Variants in HECW1 observed in about 807,000 individuals in gnomAD.
HECW1 encodes the protein E3 ubiquitin-protein ligase HECW1.
Under a neutral mutation model 182.3 loss-of-function variants are expected in HECW1, and 61 were observed. That is an observed-to-expected ratio of 0.33 (90% CI 0.27 to 0.41). The LOEUF is 0.41. Ranked by LOEUF, HECW1 falls within the 10% of genes least tolerant of loss-of-function variation. The pLI, the probability that HECW1 is intolerant of heterozygous loss-of-function variation, is 1.00. For missense variants in HECW1, 1,739 were observed against 2,108.9 expected (o/e 0.82, Z 3.44); for synonymous variants, 859 against 832.6 (o/e 1.03, Z -0.55).
chr7:43,249,365 A>T (rs1471202455), intron 3 of HECW1: 2 of 152,396 alleles, frequency 1.3e-5, no homozygotes, highest in Non-Finnish European at 2.9e-5. Flanking sequence ...AACCATGCCC[A>T]GCAGGACCAG....
chr7:43,209,881 C>T (rs962924650), intron 2 of HECW1, among the ~76,000 whole-genome samples: 42 of 152,118 alleles, frequency 2.8e-4, no homozygotes, highest in African/African-American at 7.2e-4. Flanking sequence ...GCGTTCACCC[C>T]GAGGTCATCT....
chr7:43,474,123 TATTAATATA>T (rs2078126964), intron 16 of HECW1, among the ~76,000 whole-genome samples: 6 of 152,200 alleles, frequency 3.9e-5, no homozygotes, highest in Admixed American at 3.9e-4. Flanking sequence ...AGTGGTGATG[TATTAATATA>T]ATACAAAGGG....
rs1358243690 is a variant in HECW1, at chr7:43,565,312, A to T, written c.*3386A>T. On this transcript the variant is annotated 3_prime_UTR_variant, in exon 30 of 30. Coordinates refer to ENST00000395891, the MANE Select transcript of HECW1 (RefSeq NM_015052.5). ...GGGGAGCAGGCGTTAAACATGCAAGATCTAAATTTTCTTTTAATACATGAC... is the reference window on the plus strand; with the variant it reads ...GGGGAGCAGGCGTTAAACATGCAAGTTCTAAATTTTCTTTTAATACATGAC... 4.8e-6 allele frequency: 1 copy of T among 206,936 alleles called. No homozygotes were observed. Among genetic ancestry groups the T allele is most frequent in the South Asian group, 1.9e-4 (1 of 5,314 alleles). 12.8% of individuals were successfully genotyped at this position (206,936 alleles called of 1,614,324 possible).
intron 2 of HECW1, among the ~76,000 whole-genome samples, chr7:43,141,129 A>G (rs1414509523): frequency 6.6e-6 from 1 of 152,162 alleles, no homozygotes; most frequent in African/African-American, 2.4e-5. Flanking sequence ...AAGCTGACCA[A>G]TGGTCTGGTC....
chr7:43,407,031 C>T (rs995196582), intron 7 of HECW1, among the ~76,000 whole-genome samples: 2 of 152,188 alleles, frequency 1.3e-5, no homozygotes, highest in Non-Finnish European at 2.9e-5. Flanking sequence ...TTCTGTCTCT[C>T]TCTCCTTGTG....
At chr7:43,443,116 G>A (rs1268830338) in intron 10 of HECW1, among the ~76,000 whole-genome samples, 4 of 152,234 alleles carry the variant, frequency 2.6e-5, no homozygotes, top group Non-Finnish European at 5.9e-5. Flanking sequence ...GAAAACTCCA[G>A]AATCATCCAG....
In HECW1 at chr7:43,562,160, T is replaced by C; in HGVS notation, c.*234T>C. ...ATGAACTGCTAGCCTGTATGCAATA[T>C]TAAAAAACAGCTGTCTCAAGGTCTG... On this transcript the variant is annotated 3_prime_UTR_variant, in exon 30 of 30. Coordinates refer to ENST00000395891, the MANE Select transcript of HECW1 (RefSeq NM_015052.5). 1 of 461,966 alleles carries C rather than the reference T, an allele frequency of 2.2e-6. No individual in the cohort carries two copies. Among genetic ancestry groups the C allele is most frequent in the Non-Finnish European group, 3.9e-6 (1 of 256,628 alleles). 28.6% of individuals were successfully genotyped at this position (461,966 alleles called of 1,614,324 possible).
At chr7:43,364,646 T>C (rs2152815309) in intron 6 of HECW1, among the ~76,000 whole-genome samples, 1 of 152,348 alleles carries the variant, frequency 6.6e-6, no homozygotes, top group South Asian at 2.1e-4. Flanking sequence ...GCAGAAGGGA[T>C]GGCCTGTACA....
Position 43,561,851 on chromosome 7 carries a change from G to T in HECW1, c.4746G>T (p.Pro1582=). ...GCTTCAACCGACTGGATCTTCCACC[G>T]TATCCCTCGTACTCCATGTTGTATG... ...HTCFNRLDLP[P]YPSYSMLYEK... is the part of the protein sequence containing the mutation. The change falls in exon 30 of 30, where the codon CCG becomes CCT. Residue 1582 remains proline, a synonymous_variant. Coordinates refer to ENST00000395891, the MANE Select transcript of HECW1 (RefSeq NM_015052.5). 6.2e-7 allele frequency: 1 copy of T among 1,613,686 alleles called. No homozygotes were observed. Among genetic ancestry groups the T allele is most frequent in the Non-Finnish European group, 8.5e-7 (1 of 1,179,696 alleles).
chr7:43,461,476 A>G (rs1477288294), intron 13 of HECW1, among the ~76,000 whole-genome samples: 1 of 152,244 alleles, frequency 6.6e-6, no homozygotes, highest in Non-Finnish European at 1.5e-5. Flanking sequence ...GCAGTCTGCC[A>G]TAAAGCATTT....
At chr7:43,160,089 A>G (rs1790374390) in intron 2 of HECW1, among the ~76,000 whole-genome samples, 1 of 152,236 alleles carries the variant, frequency 6.6e-6, no homozygotes, top group Non-Finnish European at 1.5e-5. Flanking sequence ...TTTGATAACT[A>G]GTGAGATTAA....
chr7:43,119,683 C>T (rs980864577), intron 2 of HECW1, among the ~76,000 whole-genome samples: 146 of 138,178 alleles, frequency 1.1e-3, no homozygotes, highest in African/African-American at 3.9e-3. Flanking sequence ...AAATACAACC[C>T]CCGATTTTTG....
At chr7:43,499,092 G>A (rs904957026) in intron 19 of HECW1, among the ~76,000 whole-genome samples, 3 of 151,896 alleles carry the variant, frequency 2.0e-5, no homozygotes, top group Non-Finnish European at 2.9e-5. Context: ...ACCAGCCTGC[G>A]CAACATGGTG....
chr7:43,379,526 A>G (rs2074462625), intron 6 of HECW1, among the ~76,000 whole-genome samples: 1 of 151,888 alleles, frequency 6.6e-6, no homozygotes. Context: ...TAACGATTCC[A>G]CTCAGAACTC....
chr7:43,435,674 T>C (rs2076687128), intron 8 of HECW1, among the ~76,000 whole-genome samples: 1 of 152,138 alleles, frequency 6.6e-6, no homozygotes, highest in African/African-American at 2.4e-5. Context: ...TCACTGTAAC[T>C]GGCAATGCTT....
intron 5 of HECW1, among the ~76,000 whole-genome samples, chr7:43,326,573 G>A (rs1354379054): frequency 1.3e-5 from 2 of 152,234 alleles, no homozygotes; most frequent in Non-Finnish European, 2.9e-5. Context: ...TAAGAGCTCA[G>A]TCAACACCAG....
At chr7:43,120,379 A>G (rs1025554570) in intron 2 of HECW1, among the ~76,000 whole-genome samples, 1 of 152,034 alleles carries the variant, frequency 6.6e-6, no homozygotes, top group African/African-American at 2.4e-5. Context: ...CTTTTTCTTC[A>G]TACCACTTAG....
chr7:43,490,338 C>G (rs1271850855), intron 17 of HECW1, among the ~76,000 whole-genome samples: 1 of 152,176 alleles, frequency 6.6e-6, no homozygotes, highest in Admixed American at 6.5e-5. Flanking sequence ...CTCTCTCCTC[C>G]CTTTCTGGTT....
intron 17 of HECW1, among the ~76,000 whole-genome samples, chr7:43,490,798 C>T (rs1292023253): frequency 6.6e-6 from 1 of 152,018 alleles, no homozygotes; most frequent in East Asian, 1.9e-4. Flanking sequence ...TGCTGTGTCG[C>T]CCAGGCTGGA....
Sources: gnomAD v4.1 joint callset for allele counts (sites outside exome capture counted in the v4.1 genomes callset) on GRCh38, gnomAD v4.1.1 for gene constraint, MANE v1.5 for transcripts, NCBI Gene and HGNC (gene_info 2026-07-23, HGNC 2026-07-21) for gene names.